Variants in TENT2 observed in about 807,000 individuals in gnomAD.
The protein encoded by TENT2 is terminal nucleotidyltransferase 2.
TENT2 carries 44 observed loss-of-function variants against 72.2 expected under a neutral mutation model. The ratio of observed to expected loss-of-function variants is 0.61; its 90% CI spans 0.48 to 0.78. The LOEUF is 0.78. Ranked by LOEUF, TENT2 falls within the 30% of genes least tolerant of loss-of-function variation. TENT2 has a pLI of 0.00. For synonymous variants in TENT2, 212 were observed against 192.5 expected, an observed-to-expected ratio of 1.10 and a Z score of -0.84; for missense variants, 541 against 569.6, an observed-to-expected ratio of 0.95 and a Z score of 0.51.
chr5:79,644,746 T>C (rs1787430907), intron 7 of TENT2: 2 of 159,326 alleles, frequency 1.3e-5, no homozygotes, highest in Non-Finnish European at 2.7e-5. Context: ...TTGCAAAGCA[T>C]TTCCACACAT....
chr5:79,681,323 C>T (rs1821707760), intron 13 of TENT2, among the ~76,000 whole-genome samples: 1 of 151,656 alleles, frequency 6.6e-6, no homozygotes, highest in African/African-American at 2.4e-5. Context: ...CCATGCCCAG[C>T]TAATTTTTGT....
intron 2 of TENT2, 54 bp from the exon 3 acceptor site, chr5:79,619,940 G>T: frequency 1.4e-6 from 2 of 1,466,726 alleles, no homozygotes; most frequent in Non-Finnish European, 1.8e-6. Flanking sequence ...GACTGGTTTT[G>T]TTTTTAAAGA....
chr5:79,646,576 A>G (rs1693731431), intron 8 of TENT2, among the ~76,000 whole-genome samples: 1 of 152,178 alleles, frequency 6.6e-6, no homozygotes, highest in Non-Finnish European at 1.5e-5. Context: ...ATAAATACTT[A>G]TTAAATTTCT....
intron 12 of TENT2, among the ~76,000 whole-genome samples, chr5:79,679,287 G>A (rs547848639): frequency 1.3e-5 from 2 of 152,068 alleles, no homozygotes; most frequent in Non-Finnish European, 2.9e-5. Flanking sequence ...CCTAGGTGAA[G>A]AGTGAAAAAA....
chr5:79,680,139 CTT>C (rs1321792745), intron 13 of TENT2, among the ~76,000 whole-genome samples: 2 of 152,064 alleles, frequency 1.3e-5, no homozygotes, highest in Admixed American at 6.6e-5. Context: ...CCTTGAGACA[CTT>C]TGAGTGAGTA....
At chr5:79,632,877 T>C (rs1776646769) in intron 4 of TENT2, among the ~76,000 whole-genome samples, 1 of 152,202 alleles carries the variant, frequency 6.6e-6, no homozygotes, top group Admixed American at 6.5e-5. Context: ...GTTTTTTTCC[T>C]ATCTTTCTTT....
At chr5:79,631,074 C>T (rs868160726) in intron 4 of TENT2, among the ~76,000 whole-genome samples, 1 of 152,132 alleles carries the variant, frequency 6.6e-6, no homozygotes, top group South Asian at 2.1e-4. Context: ...TAAGCCTCTA[C>T]AATATCGACA....
rs1405938665 is a variant in TENT2 at position 79,675,694 on chromosome 5, AG to A, written c.1209-3884del. ...GCAGCAAGAGTGGGTAAGAGTTGAGAGTATGTGAAAGGGAGTGATTTTAATA... is the reference window on the plus strand; with the variant it reads ...GCAGCAAGAGTGGGTAAGAGTTGAGATATGTGAAAGGGAGTGATTTTAATA... On this transcript the variant is annotated intron_variant, in intron 12 of 14. Coordinates refer to ENST00000453514, the MANE Select transcript of TENT2 (RefSeq NM_001114394.3). 2.6e-5 allele frequency among the ~76,000 whole-genome samples: 4 copies of A among 152,170 alleles called. No individual in the cohort carries two copies. The South Asian group carries it at 6.2e-4, about 24-fold the overall frequency.
intron 4 of TENT2, among the ~76,000 whole-genome samples, chr5:79,640,649 C>G (rs1783744652): frequency 6.6e-6 from 1 of 152,066 alleles, no homozygotes; most frequent in Non-Finnish European, 1.5e-5. Context: ...GTATATTTTA[C>G]TTTGTAAAAT....
intron 11 of TENT2, among the ~76,000 whole-genome samples, chr5:79,662,513 T>G (rs142584516): frequency 6.6e-6 from 1 of 152,316 alleles, no homozygotes; most frequent in African/African-American, 2.4e-5. Flanking sequence ...AAATTACTCC[T>G]TGATCCGTGG....
intron 4 of TENT2, among the ~76,000 whole-genome samples, chr5:79,638,907 A>G (rs961830059): frequency 5.3e-5 from 8 of 152,200 alleles, no homozygotes; most frequent in African/African-American, 9.7e-5. Context: ...ATTGCCCAGA[A>G]TGCCTCTGCC....
At chr5:79,654,893 G>A (rs1402855425) in intron 10 of TENT2, among the ~76,000 whole-genome samples, 1 of 152,138 alleles carries the variant, frequency 6.6e-6, no homozygotes, top group East Asian at 1.9e-4. Context: ...AAGTTTATGG[G>A]TATAAATTTG....
intron 12 of TENT2, among the ~76,000 whole-genome samples, chr5:79,672,118 AAAC>A (rs1200627808): frequency 1.3e-5 from 2 of 151,954 alleles, no homozygotes; most frequent in African/African-American, 4.8e-5. Flanking sequence ...AAAAAACAAA[AAAC>A]TATTTTTCTT....
chr5:79,665,598 G>A (rs1472704582), intron 11 of TENT2, among the ~76,000 whole-genome samples: 1 of 152,114 alleles, frequency 6.6e-6, no homozygotes, highest in African/African-American at 2.4e-5. Context: ...GTCTTCTAAA[G>A]GATCAACATT....
intron 13 of TENT2, among the ~76,000 whole-genome samples, chr5:79,680,220 G>T (rs1179671798): frequency 6.6e-6 from 1 of 152,096 alleles, no homozygotes; most frequent in Non-Finnish European, 1.5e-5. Context: ...AAATCTGGAG[G>T]TTAAAAAGTA....
intron 1 of TENT2, among the ~76,000 whole-genome samples, chr5:79,616,837 C>A (rs1425066995): frequency 6.6e-6 from 1 of 152,128 alleles, no homozygotes; most frequent in Non-Finnish European, 1.5e-5. Flanking sequence ...TAGAGTCAGG[C>A]ATTTAGGATG....
intron 14 of TENT2, among the ~76,000 whole-genome samples, chr5:79,683,738 A>T (rs1238023435): frequency 6.7e-6 from 1 of 150,242 alleles, no homozygotes; most frequent in African/African-American, 2.4e-5. Flanking sequence ...AAACGGTGAA[A>T]CCCCGTTTCT....
At chr5:79,672,472 C>T (rs1580629362) in intron 12 of TENT2, among the ~76,000 whole-genome samples, 1 of 152,208 alleles carries the variant, frequency 6.6e-6, no homozygotes. Flanking sequence ...ACTGCCCTTC[C>T]CAGCCTCTGG....
intron 4 of TENT2, among the ~76,000 whole-genome samples, chr5:79,635,658 G>A (rs1303590040): frequency 3.3e-5 from 5 of 152,026 alleles, no homozygotes; most frequent in South Asian, 2.1e-4. Flanking sequence ...GGGTTCAAGC[G>A]ATTCTCCTGC....
Sources: gnomAD v4.1 joint callset for allele counts (sites outside exome capture counted in the v4.1 genomes callset) on GRCh38, gnomAD v4.1.1 for gene constraint, MANE v1.5 for transcripts, NCBI Gene and HGNC (gene_info 2026-07-23, HGNC 2026-07-21) for gene names.